The following LIN7A variants were observed in gnomAD, a reference collection of about 807,000 sequenced individuals.
LIN7A encodes the protein protein lin-7 homolog A.
In LIN7A, 25 loss-of-function variants were observed where a neutral mutation model predicts 29.8. That is an observed-to-expected ratio of 0.84 (90% confidence interval 0.61 to 1.17). The LOEUF (loss-of-function observed/expected upper bound fraction) is 1.17. Ranked by LOEUF, LIN7A falls within the 50% of genes most tolerant of loss-of-function variation. The pLI, the probability that LIN7A is intolerant of heterozygous loss-of-function variation, is 0.00. For synonymous variants in LIN7A, 118 were observed against 107.5 expected, an observed-to-expected ratio of 1.10 and a Z score of -0.60; for missense variants, 239 against 287.0, an observed-to-expected ratio of 0.83 and a Z score of 1.21.
At chr12:80,817,280 C>T (rs147566613) in intron 4 of LIN7A, among the ~76,000 whole-genome samples, 5 of 152,256 alleles carry the variant, frequency 3.3e-5, no homozygotes, top group Non-Finnish European at 5.9e-5. Context: ...CTCTCTCTCC[C>T]GCTTCCATAG....
intron 1 of LIN7A, among the ~76,000 whole-genome samples, chr12:80,930,264 GA>G (rs368634158): frequency 2.6e-5 from 4 of 152,040 alleles, no homozygotes; most frequent in African/African-American, 9.7e-5. Context: ...AATCCCTCAT[GA>G]TTTTTTTCAA....
chr12:80,899,770 C>CTTTTT lies in LIN7A; in HGVS notation c.83-10406_83-10402dup, dbSNP rs71309554. Among the ~76,000 whole-genome samples the CTTTTT allele has an allele frequency of 5.6e-5, 7 of 125,544 alleles. No individual in the cohort carries two copies. The East Asian group carries it at 7.1e-4, about 13-fold the overall frequency. The allele number at this position is 125,544 out of a possible 152,430, so 82.4% of individuals were successfully genotyped here. On this transcript the variant is annotated intron_variant, in intron 1 of 5. Coordinates refer to ENST00000552864, the MANE Select transcript of LIN7A (RefSeq NM_004664.4). ...CCTCTAGGTTTTCTTTTTTTCTTTT[C>CTTTTT]TTTTTTTTTTTTTTTTGAGATCGAG...
chr12:80,897,257 T>C (rs1469129611), intron 1 of LIN7A, among the ~76,000 whole-genome samples: 1 of 152,208 alleles, frequency 6.6e-6, no homozygotes, highest in Admixed American at 6.5e-5. Flanking sequence ...CTTTCCTTTT[T>C]TCTGTATTTT....
chr12:80,877,121 CAA>C (rs55779514), intron 2 of LIN7A, among the ~76,000 whole-genome samples: 5 of 106,498 alleles, frequency 4.7e-5, no homozygotes, highest in Admixed American at 1.0e-4. Flanking sequence ...GACTCTGTCT[CAA>C]AAAAAAAAAA....
rs1184036492 is a variant in LIN7A, at chr12:80,937,525, T to C, written c.82+116A>G. 7.6e-6 allele frequency: 5 copies of C among 659,428 alleles called. No individual in the cohort carries two copies. In the Admixed American group the frequency reaches 1.2e-4, roughly 16 times the overall value. The allele number at this position is 659,428 out of a possible 1,614,324, so 40.8% of individuals were successfully genotyped here. A position where few individuals can be genotyped will look rare whatever the true frequency, so the allele number is the denominator to read the frequency against. Reference sequence around the variant, plus strand: ...GCGCGAACGCCTTCCTGGCTCGTCCTCGTTCCCCTTCTCCTCCTGCCTGAG... The same window carrying C: ...GCGCGAACGCCTTCCTGGCTCGTCCCCGTTCCCCTTCTCCTCCTGCCTGAG... On this transcript the variant is annotated intron_variant, in intron 1 of 5. Coordinates refer to ENST00000552864, the MANE Select transcript of LIN7A (RefSeq NM_004664.4).
chr12:80,886,021 T>G (rs527513921), intron 2 of LIN7A, among the ~76,000 whole-genome samples: 33 of 152,240 alleles, frequency 2.2e-4, no homozygotes, highest in African/African-American at 7.0e-4. Context: ...GACCTATGTC[T>G]GTTTTTGTTC....
chr12:80,852,798 C>T (rs1217865303), intron 2 of LIN7A, among the ~76,000 whole-genome samples: 1 of 152,174 alleles, frequency 6.6e-6, no homozygotes, highest in East Asian at 1.9e-4. Flanking sequence ...AGACTCATCT[C>T]ACACAATCCC....
At chr12:80,908,294 C>A (rs1449358044) in intron 1 of LIN7A, among the ~76,000 whole-genome samples, 2 of 151,980 alleles carry the variant, frequency 1.3e-5, no homozygotes, top group Non-Finnish European at 2.9e-5. Flanking sequence ...ATGATTCCAA[C>A]ATTTTCTAAA....
chr12:80,888,717 A>G (rs1307013019), intron 2 of LIN7A, among the ~76,000 whole-genome samples: 3 of 152,176 alleles, frequency 2.0e-5, no homozygotes, highest in Non-Finnish European at 4.4e-5. Context: ...AAATTCAAAT[A>G]GTCATTTCAA....
intron 2 of LIN7A, among the ~76,000 whole-genome samples, chr12:80,855,552 G>A (rs1423114918): frequency 6.6e-6 from 1 of 151,984 alleles, no homozygotes; most frequent in Non-Finnish European, 1.5e-5. Flanking sequence ...GGCCACCTGG[G>A]TAGTTGGAAA....
chr12:80,874,722 G>T (rs748118008), intron 2 of LIN7A, among the ~76,000 whole-genome samples: 1 of 152,144 alleles, frequency 6.6e-6, no homozygotes. Context: ...GGTGGCTCAC[G>T]CCTGTAATCC....
chr12:80,879,872 C>A (rs1012129714), intron 2 of LIN7A, among the ~76,000 whole-genome samples: 2 of 152,140 alleles, frequency 1.3e-5, no homozygotes, highest in Non-Finnish European at 2.9e-5. Flanking sequence ...TGAGCTTTCT[C>A]CAAGCTACTT....
At chr12:80,910,012 A>G (rs558336084) in intron 1 of LIN7A, among the ~76,000 whole-genome samples, 1 of 152,164 alleles carries the variant, frequency 6.6e-6, no homozygotes, top group African/African-American at 2.4e-5. Context: ...CAGTTTTCCA[A>G]TCCCTTGAAC....
intron 2 of LIN7A, among the ~76,000 whole-genome samples, chr12:80,876,083 AG>A (rs879440204): frequency 0.02 from 1,746 of 86,930 alleles, 16 homozygotes; most frequent in Non-Finnish European, 0.046. Context: ...ACACACACAG[AG>A]AGAGAGAAAG....
intron 2 of LIN7A, among the ~76,000 whole-genome samples, chr12:80,860,728 C>T (rs895177851): frequency 2.0e-5 from 3 of 152,188 alleles, no homozygotes; most frequent in African/African-American, 4.8e-5. Context: ...AGTTTTCAGG[C>T]GTTCATGCCT....
At chr12:80,839,955 A>G (rs1043340462) in intron 4 of LIN7A, among the ~76,000 whole-genome samples, 1 of 152,168 alleles carries the variant, frequency 6.6e-6, no homozygotes, top group Admixed American at 6.5e-5. Context: ...TTCAGCTGCA[A>G]TTTCCCACCA....
intron 1 of LIN7A, among the ~76,000 whole-genome samples, chr12:80,902,237 C>T (rs1372173434): frequency 9.0e-5 from 9 of 99,626 alleles, no homozygotes; most frequent in Admixed American, 1.1e-4. Flanking sequence ...TTTTTTTGTA[C>T]CAGTACCAAA....
intron 1 of LIN7A, among the ~76,000 whole-genome samples, chr12:80,889,746 C>A (rs1055442959): frequency 1.3e-5 from 2 of 152,096 alleles, no homozygotes; most frequent in Non-Finnish European, 2.9e-5. Context: ...TTTCCCATTT[C>A]AGTTTGTCAT....
Position 80,937,706 on chromosome 12 carries a change from A to G in LIN7A, c.17T>C (p.Val6Ala). The G allele has an allele frequency of 6.6e-7, 1 of 1,511,996 alleles. No homozygotes were observed. The allele number at this position is 1,511,996 out of a possible 1,614,324, so 93.7% of individuals were successfully genotyped here. ...CATGTCTGCCGTGGGAGCCGAAGTG[A>G]CGCTCGGCTTCAGCATCAGCAACCG... MLKPS[V>A]TSAPTADMAT... Residue 6 changes from valine to alanine, a missense_variant, in exon 1 of 6, where the codon GTC (valine) becomes GCC (alanine). Val to Ala is a moderately conservative substitution (Grantham distance 64). Transcript: ENST00000552864.
Sources: gnomAD v4.1 joint callset for allele counts (sites outside exome capture counted in the v4.1 genomes callset) on GRCh38, gnomAD v4.1.1 for gene constraint, MANE v1.5 for transcripts, NCBI Gene and HGNC (gene_info 2026-07-23, HGNC 2026-07-21) for gene names.